SLC17A8: variants seen among roughly 807,000 people sequenced by gnomAD.
The protein encoded by SLC17A8 is solute carrier family 17 member 8, also known as vesicular glutamate transporter 3.
SLC17A8 carries 31 observed loss-of-function variants against 58.0 expected under a neutral mutation model. The ratio of observed to expected loss-of-function variants is 0.53; its 90% CI spans 0.40 to 0.72. The LOEUF (loss-of-function observed/expected upper bound fraction) is 0.72, where lower values mean the gene tolerates loss of function less well. SLC17A8 is among the 30% of genes least tolerant of loss of function. The probability of loss-of-function intolerance (pLI) is 0.00; values close to 1 mark genes in which losing one functional copy is unlikely to be tolerated. For missense variants in SLC17A8, 655 were observed against 727.8 expected, an observed-to-expected ratio of 0.90 and a Z score of 1.15; for synonymous variants, 228 against 249.0, an observed-to-expected ratio of 0.92 and a Z score of 0.79.
intron 9 of SLC17A8, among the ~76,000 whole-genome samples, chr12:100,404,936 A>G (rs971129794): frequency 1.3e-5 from 2 of 152,218 alleles, no homozygotes; most frequent in Non-Finnish European, 2.9e-5. Flanking sequence ...CCTCTGGAGG[A>G]CTAGTCAGGA....
At chr12:100,385,025 T>C (rs1952663112) in intron 2 of SLC17A8, among the ~76,000 whole-genome samples, 1 of 152,134 alleles carries the variant, frequency 6.6e-6, no homozygotes, top group Admixed American at 6.6e-5. Context: ...GCCCTGACTC[T>C]GTGACTCCGT....
Position 100,418,076 on chromosome 12 carries a change from C to G in SLC17A8, c.1345C>G (p.Leu449Val), listed in dbSNP as rs758113320. The G allele has an allele frequency of 8.1e-6, 13 of 1,614,052 alleles. No homozygotes were observed. The highest frequency in any genetic ancestry group is 1.0e-5 in the Non-Finnish European group (12 of 1,180,026). The change falls in exon 11 of 12, where the codon CTC becomes GTC. Residue 449 changes from leucine (L) to valine (V), a missense_variant. Leu to Val is a conservative substitution (Grantham distance 32, BLOSUM62 1). Transcript: ENST00000323346. ...LDIAPRYASI[L>V]MGISNGVGTL... Reference sequence around the variant, plus strand: ...CATTGCCCCACGCTATGCCAGCATTCTCATGGGGATCTCAAACGGAGTGGG... The same window carrying G: ...CATTGCCCCACGCTATGCCAGCATTGTCATGGGGATCTCAAACGGAGTGGG...
At position 100,357,283 on chromosome 12, in the gene SLC17A8, C is replaced by A; in HGVS notation, c.-109C>A. 1 of 779,632 alleles carries A rather than the reference C, an allele frequency of 1.3e-6. No homozygotes were observed. The highest frequency in any genetic ancestry group is 2.4e-6 in the Non-Finnish European group (1 of 424,382). 48.3% of individuals were successfully genotyped at this position (779,632 alleles called of 1,614,324 possible). ...GAGTAGTTCCCTCCACGAGAACTGA[C>A]TTCCAGGTGTTCACCAAGGGAAACA... On this transcript the variant is annotated 5_prime_UTR_variant, in exon 1 of 12. Coordinates refer to ENST00000323346, the MANE Select transcript of SLC17A8 (RefSeq NM_139319.3).
chr12:100,412,582 C>G (rs1952876495), intron 9 of SLC17A8, among the ~76,000 whole-genome samples, 188 bp from the exon 10 acceptor site: 1 of 110,860 alleles, frequency 9.0e-6, no homozygotes, highest in African/African-American at 3.6e-5. Flanking sequence ...CCCAGAACTT[C>G]AAGTAAAGTT....
intron 4 of SLC17A8, among the ~76,000 whole-genome samples, chr12:100,396,035 T>C (rs1027768218): frequency 9.8e-5 from 15 of 152,348 alleles, no homozygotes; most frequent in African/African-American, 3.6e-4. Context: ...TGTCTGCCCA[T>C]GGCAGAACGG....
At chr12:100,374,928 G>A (rs10745886) in intron 1 of SLC17A8, among the ~76,000 whole-genome samples, 101,472 of 151,632 alleles carry the variant, frequency 0.67, 36,437 homozygotes, top group East Asian at 0.99. Context: ...TCAGCCAGCT[G>A]TAGGTCCTGC....
intron 1 of SLC17A8, among the ~76,000 whole-genome samples, chr12:100,366,646 G>A (rs968626678): frequency 3.3e-5 from 5 of 152,142 alleles, no homozygotes; most frequent in African/African-American, 9.7e-5. Flanking sequence ...CCTTAGTCAC[G>A]GAACCTTCGG....
intron 1 of SLC17A8, among the ~76,000 whole-genome samples, chr12:100,361,456 A>G (rs1338999224): frequency 6.6e-6 from 1 of 152,198 alleles, no homozygotes; most frequent in Non-Finnish European, 1.5e-5. Context: ...GTATGTGCTC[A>G]AAGATCCCCA....
chr12:100,380,997 G>C (rs991430064), intron 2 of SLC17A8, 44 bp downstream of exon 2: 2 of 1,607,474 alleles, frequency 1.2e-6, no homozygotes, highest in African/African-American at 2.7e-5. Context: ...TTTGAGACAG[G>C]GTCTCGCTCG....
intron 9 of SLC17A8, among the ~76,000 whole-genome samples, chr12:100,410,388 A>G (rs1321985291): frequency 6.6e-6 from 1 of 151,910 alleles, no homozygotes; most frequent in Non-Finnish European, 1.5e-5. Flanking sequence ...CCAGCTACTC[A>G]GGAGGCTGAG....
chr12:100,402,390 T>C lies in SLC17A8; in HGVS notation c.814T>C (p.Cys272Arg), dbSNP rs753819412. 6.8e-6 allele frequency: 11 copies of C among 1,613,832 alleles called. No homozygotes were observed. The East Asian group carries it at 2.5e-4, about 36-fold the overall frequency. The change falls in exon 7 of 12, where the codon TGC becomes CGC. Residue 272 changes from cysteine (C) to arginine (R), a missense_variant. Coordinates refer to ENST00000323346, the MANE Select transcript of SLC17A8 (RefSeq NM_139319.3). Reference sequence around the variant, plus strand: ...GTTTTGGCTGTTGCAGGCCTATGAGTGCCCAGCAGCTCATCCAACAATATC... The same window carrying C: ...GTTTTGGCTGTTGCAGGCCTATGAGCGCCCAGCAGCTCATCCAACAATATC... ...YMFWLLQAYECPAAHPTISNE... is the reference protein window; with the variant it reads ...YMFWLLQAYERPAAHPTISNE...
chr12:100,375,784 GC>G (rs1318873876), intron 1 of SLC17A8, among the ~76,000 whole-genome samples: 3 of 152,182 alleles, frequency 2.0e-5, no homozygotes, highest in Non-Finnish European at 4.4e-5. Context: ...ACCAGGCACT[GC>G]CGTGAATCAT....
chr12:100,365,700 G>A (rs369649054), intron 1 of SLC17A8, among the ~76,000 whole-genome samples: 20 of 152,200 alleles, frequency 1.3e-4, no homozygotes, highest in South Asian at 1.0e-3. Flanking sequence ...TGTGAACTTC[G>A]CCCACGTGAT....
In SLC17A8 at chr12:100,418,037, G is replaced by A; in HGVS notation, c.1306G>A (p.Val436Ile). The stretch of plus-strand genomic sequence containing the variant: ...TTTTGGCTTCACTGTAGGTTTTAAT[G>A]TCAACCACCTGGACATTGCCCCACG... ...FSGFAISGFNVNHLDIAPRYA... is the reference protein window; with the variant it reads ...FSGFAISGFNINHLDIAPRYA... Residue 436 changes from valine (V) to isoleucine (I), a missense_variant, in exon 11 of 12, where the codon GTC (valine) becomes ATC (isoleucine). By Grantham distance (29) the Val-to-Ile change is conservative. Coordinates refer to ENST00000323346, the MANE Select transcript of SLC17A8 (RefSeq NM_139319.3). 1.2e-6 allele frequency: 2 copies of A among 1,614,200 alleles called. No homozygotes were observed. The highest frequency in any genetic ancestry group is 1.7e-6 in the Non-Finnish European group (2 of 1,180,036).
intron 9 of SLC17A8, among the ~76,000 whole-genome samples, chr12:100,409,277 C>T (rs993194752): frequency 3.9e-5 from 6 of 152,120 alleles, no homozygotes; most frequent in East Asian, 1.9e-4. Flanking sequence ...CCTCCACCTC[C>T]CGGTTTCAAG....
At position 100,366,117 on chromosome 12, in the gene SLC17A8, C is replaced by A. The variant is rs937467577; in HGVS notation, c.101+8625C>A. On this transcript the variant is annotated intron_variant, in intron 1 of 11. Transcript: ENST00000323346. ...GAATTACCTTGGGATCCAATGGGGG[C>A]TACCACCCCTGCATCCTTTAAATCT... is the stretch of plus-strand genomic sequence containing the variant. Among the ~76,000 whole-genome samples, 3 of 146,520 alleles carry A rather than the reference C, an allele frequency of 2.0e-5. No homozygotes were observed. In the Admixed American group the frequency reaches 2.1e-4, roughly 10 times the overall value.
At chr12:100,409,233 T>C (rs1358424453) in intron 9 of SLC17A8, among the ~76,000 whole-genome samples, 3 of 152,258 alleles carry the variant, frequency 2.0e-5, no homozygotes, top group African/African-American at 7.2e-5. Flanking sequence ...TTGCCCAGGC[T>C]GGAGTGCAGT....
intron 5 of SLC17A8, among the ~76,000 whole-genome samples, chr12:100,398,965 G>GC (rs1491348283): frequency 1.3e-5 from 2 of 152,038 alleles, no homozygotes; most frequent in Non-Finnish European, 2.9e-5. Flanking sequence ...TGATTGTGAG[G>GC]CCTCCCCCGC....
At position 100,402,496 on chromosome 12, in the gene SLC17A8, A is replaced by G; in HGVS notation, c.903+17A>G. 1 of 1,614,006 alleles carries G rather than the reference A, an allele frequency of 6.2e-7. No homozygotes were observed. Among genetic ancestry groups the G allele is most frequent in the East Asian group, 2.2e-5 (1 of 44,862 alleles). On this transcript the variant is annotated intron_variant, in intron 7 of 11. Transcript: ENST00000323346. The stretch of plus-strand genomic sequence containing the variant: ...AGTCTAAGTGTAAGTATAAAAAGTC[A>G]GATGAAGACTTACCTTTTTTCATAA...
Sources: allele counts gnomAD v4.1 joint callset (sites outside exome capture counted in the v4.1 genomes callset), GRCh38; gene constraint gnomAD v4.1.1; transcripts MANE v1.5; gene names NCBI Gene and HGNC (gene_info 2026-07-23, HGNC 2026-07-21).